ZSCAN5A: variants seen among roughly 807,000 people sequenced by gnomAD.
ZSCAN5A encodes zinc finger and SCAN domain containing 5A, also known as zinc finger and SCAN domain-containing protein 5A.
In ZSCAN5A, 12 loss-of-function variants were observed where a neutral mutation model predicts 23.7. The ratio of observed to expected loss-of-function variants is 0.51; its 90% confidence interval spans 0.32 to 0.82. The LOEUF (loss-of-function observed/expected upper bound fraction) is 0.82. Ranked by LOEUF, ZSCAN5A falls within the 40% of genes least tolerant of loss-of-function variation. The pLI is 0.03. For missense variants in ZSCAN5A, 597 were observed against 617.9 expected, an observed-to-expected ratio of 0.97 and a Z score of 0.36; for synonymous variants, 257 against 239.9, an observed-to-expected ratio of 1.07 and a Z score of -0.66.
In ZSCAN5A at chr19:56,307,665, T is replaced by C. The variant is rs373401814; in HGVS notation, c.-128+5618A>G. Reference sequence around the variant, plus strand: ...GAGATAAGTCACTGCAAATGCCTAATAGTTTGCCTTGTGAAGTGTACATGC... The same window carrying C: ...GAGATAAGTCACTGCAAATGCCTAACAGTTTGCCTTGTGAAGTGTACATGC... On this transcript the variant is annotated intron_variant, in intron 2 of 5. Transcript: ENST00000683990. Among the ~76,000 whole-genome samples the C allele has an allele frequency of 4.7e-4, 72 of 152,334 alleles. No homozygotes were observed. In the South Asian group the frequency reaches 5.6e-3, roughly 12 times the overall value.
At chr19:56,311,523 A>T (rs1056599410) in intron 2 of ZSCAN5A, among the ~76,000 whole-genome samples, 1 of 152,238 alleles carries the variant, frequency 6.6e-6, no homozygotes, top group Non-Finnish European at 1.5e-5. Context: ...TGCACTAGCC[A>T]GGGGCATTCA....
chr19:56,343,009 T>C, intron 2 of ZSCAN5A: 1 of 829,114 alleles, frequency 1.2e-6, no homozygotes, highest in South Asian at 1.3e-5. Context: ...CAGAAGTCAC[T>C]ATCTACTTAT....
chr19:56,231,911 G>A (rs2217668), intron 2 of ZSCAN5A, among the ~76,000 whole-genome samples: 10,514 of 151,638 alleles, frequency 0.069, 429 homozygotes, highest in African/African-American at 0.11. Context: ...CCCTCCCACA[G>A]CTCCATCCCT....
At chr19:56,273,090 T>C (rs2037971811) in intron 2 of ZSCAN5A, among the ~76,000 whole-genome samples, 1 of 152,164 alleles carries the variant, frequency 6.6e-6, no homozygotes, top group African/African-American at 2.4e-5. Context: ...TGAGTCTAGG[T>C]TGCTAGCCCC....
At chr19:56,230,364 A>G (rs559836518) in intron 2 of ZSCAN5A, among the ~76,000 whole-genome samples, 9 of 152,306 alleles carry the variant, frequency 5.9e-5, no homozygotes, top group East Asian at 1.9e-4. Context: ...GATTACAGGC[A>G]TGAGCCACCA....
At chr19:56,267,213 A>G (rs1167758999) in intron 2 of ZSCAN5A, among the ~76,000 whole-genome samples, 1 of 152,094 alleles carries the variant, frequency 6.6e-6, no homozygotes, top group East Asian at 1.9e-4. Context: ...TGACCAGTAC[A>G]TGAAATTATA....
At chr19:56,346,642 C>T (rs569022288) in intron 2 of ZSCAN5A, among the ~76,000 whole-genome samples, 5 of 152,082 alleles carry the variant, frequency 3.3e-5, no homozygotes, top group African/African-American at 9.6e-5. Context: ...GGGGGATAAG[C>T]GGAAGATAAA....
At chr19:56,319,497 G>GTAAAAAAA (rs2041352014), upstream of ZSCAN5A, among the ~76,000 whole-genome samples, 1 of 49,404 alleles carries the variant, frequency 2.0e-5, no homozygotes, top group Non-Finnish European at 4.0e-5. Flanking sequence ...CTCCATCTCG[G>GTAAAAAAA]GAAAAAAAAA....
intron 2 of ZSCAN5A, among the ~76,000 whole-genome samples, chr19:56,331,537 C>CTTTT (rs1191188951): frequency 1.2e-4 from 8 of 65,706 alleles, no homozygotes; most frequent in Admixed American, 1.2e-3. Context: ...ATAGTCTAGG[C>CTTTT]TTTTTTTTTT....
At chr19:56,309,722 C>T (rs374256519) in intron 2 of ZSCAN5A, among the ~76,000 whole-genome samples, 1 of 152,212 alleles carries the variant, frequency 6.6e-6, no homozygotes, top group African/African-American at 2.4e-5. Flanking sequence ...AGTCCCTGCT[C>T]CTGCGGGGCG....
At chr19:56,237,972 C>CGGACACACACACACGGACACAT (rs2035078241) in intron 2 of ZSCAN5A, among the ~76,000 whole-genome samples, 11 of 117,166 alleles carry the variant, frequency 9.4e-5, no homozygotes, top group African/African-American at 1.6e-4. Flanking sequence ...CACAGACACA[C>CGGACACACACACACGGACACAT]GGACACACAC....
In ZSCAN5A at chr19:56,225,374, T is replaced by G. The variant is rs546559947; in HGVS notation, c.-127-201A>C. 5.5e-5 allele frequency: 14 copies of G among 254,200 alleles called. No individual in the cohort carries two copies. The East Asian group carries it at 1.1e-3, about 20-fold the overall frequency. The allele number at this position is 254,200 out of a possible 1,614,324, so 15.7% of individuals were successfully genotyped here. A position where few individuals can be genotyped will look rare whatever the true frequency, so the allele number is the denominator to read the frequency against. Reference sequence around the variant, plus strand: ...GATTCTGATCTCTAGGAAATCACTGTGCAGAGGCTGAATCAGTTTTCCTGT... The same window carrying G: ...GATTCTGATCTCTAGGAAATCACTGGGCAGAGGCTGAATCAGTTTTCCTGT... On this transcript the variant is annotated intron_variant, in intron 2 of 5. Coordinates refer to ENST00000683990, the MANE Select transcript of ZSCAN5A (RefSeq NM_001322064.3).
intron 4 of ZSCAN5A, 137 bp downstream of exon 4, chr19:56,223,494 T>C (rs944954011): frequency 1.1e-6 from 1 of 879,432 alleles, no homozygotes; most frequent in Non-Finnish European, 1.7e-6. Context: ...GAATGAATGT[T>C]TGGGGATGTA....
chr19:56,362,178 T>TA (rs1412337713), intron 2 of ZSCAN5A, among the ~76,000 whole-genome samples: 1 of 148,222 alleles, frequency 6.7e-6, no homozygotes, highest in African/African-American at 2.5e-5. Context: ...AAAAAAAAAT[T>TA]AAAAAACCCA....
intron 2 of ZSCAN5A, among the ~76,000 whole-genome samples, chr19:56,262,402 G>A (rs146623512): frequency 2.7e-5 from 4 of 150,604 alleles, no homozygotes; most frequent in Admixed American, 6.6e-5. Context: ...ATGCAGTCTC[G>A]TTTCTAATTT....
At chr19:56,336,398 C>T (rs1325909890) in intron 2 of ZSCAN5A, among the ~76,000 whole-genome samples, 6 of 151,900 alleles carry the variant, frequency 3.9e-5, no homozygotes, top group Admixed American at 1.3e-4. Context: ...CTTGTGCATT[C>T]GTCACGTAGT....
In ZSCAN5A at chr19:56,351,781, A is replaced by C. The variant is rs1462203995; in HGVS notation, c.-358+11454T>G. ...CCTTTGCATCTTAACCTGTCGCAGAACAAGAAAAGTGGTGCCGCTAAGATT... is the reference window on the plus strand; with the variant it reads ...CCTTTGCATCTTAACCTGTCGCAGACCAAGAAAAGTGGTGCCGCTAAGATT... On this transcript the variant is annotated intron_variant, in intron 2 of 6. Transcript: ENST00000587340. This position sits in a 1 kb window ranked among gnomAD's most constrained non-coding sequence, Gnocchi z 4.8. 2.6e-5 allele frequency among the ~76,000 whole-genome samples: 4 copies of C among 152,172 alleles called. No homozygotes were observed. Among genetic ancestry groups the C allele is most frequent in the Non-Finnish European group, 5.9e-5 (4 of 68,020 alleles).
intron 2 of ZSCAN5A, among the ~76,000 whole-genome samples, chr19:56,236,400 C>T (rs1259267194): frequency 2.0e-5 from 2 of 99,920 alleles, no homozygotes; most frequent in Non-Finnish European, 4.3e-5. Flanking sequence ...GGACGGTGGG[C>T]CAAGCCTCCA....
chr19:56,339,219 T>G (rs192488213), intron 2 of ZSCAN5A, among the ~76,000 whole-genome samples: 7 of 152,312 alleles, frequency 4.6e-5, no homozygotes, highest in Admixed American at 4.6e-4. Flanking sequence ...GTAAGCAATA[T>G]GCAAAGGAGC....
Sources: gnomAD v4.1 joint callset for allele counts (sites outside exome capture counted in the v4.1 genomes callset) on GRCh38, gnomAD v4.1.1 for gene constraint, Gnocchi (gnomAD v3.1) non-coding constraint, MANE v1.5 for transcripts, NCBI Gene and HGNC (gene_info 2026-07-23, HGNC 2026-07-21) for gene names.